RAD51AP2: variants seen among roughly 807,000 people sequenced by gnomAD.
RAD51AP2 encodes RAD51-associated protein 2.
Under a neutral mutation model 85.5 loss-of-function variants are expected in RAD51AP2, and 67 were observed. The ratio of observed to expected loss-of-function variants is 0.78; its 90% CI spans 0.64 to 0.96. The LOEUF (loss-of-function observed/expected upper bound fraction) is 0.96. RAD51AP2 is among the 40% of genes least tolerant of loss of function. The pLI is 0.00. For missense variants in RAD51AP2, 1,307 were observed against 1,332.4 expected, an observed-to-expected ratio of 0.98 and a Z score of 0.30; for synonymous variants, 474 against 446.5, an observed-to-expected ratio of 1.06 and a Z score of -0.78.
At chr2:17,523,817 T>G in the RAD51AP2 span, among the ~76,000 whole-genome samples, 3 of 151,900 alleles carry the variant, frequency 2.0e-5, no homozygotes. Flanking sequence ...AAACAATGGA[T>G]CAAAAGAATA....
Position 17,518,361 on chromosome 2 carries a change from A to C in RAD51AP2, c.55T>G (p.Ser19Ala). 6.2e-7 allele frequency: 1 copy of C among 1,613,760 alleles called. No individual in the cohort carries two copies. The highest frequency in any genetic ancestry group is 8.5e-7 in the Non-Finnish European group (1 of 1,179,874). Residue 19 changes from serine to alanine, a missense_variant, in exon 1 of 3, where the codon TCT (serine) becomes GCT (alanine). Physicochemically the swap from Ser to Ala is moderately conservative, Grantham distance 99. Transcript: ENST00000399080. The part of the protein sequence containing the change: ...RMAELRKPTS[S>A]LTPPEDPDSQ... ...TCCGGGTCCTCAGGAGGCGTTAAAG[A>C]GGAGGTAGGCTTTCTGAGCTCGGCC...
At chr2:17,532,162 C>T in the RAD51AP2 span, among the ~76,000 whole-genome samples, 1 of 152,192 alleles carries the variant, frequency 6.6e-6, no homozygotes, top group Non-Finnish European at 1.5e-5. Context: ...TTGTCCTCTA[C>T]ACCAGTTTCC....
the RAD51AP2 span, among the ~76,000 whole-genome samples, chr2:17,528,087 C>A: frequency 6.6e-6 from 1 of 152,134 alleles, no homozygotes; most frequent in Non-Finnish European, 1.5e-5. Context: ...AACCTCTTAA[C>A]ACTTGATGAA....
At chr2:17,529,202 TTCCTC>T in the RAD51AP2 span, among the ~76,000 whole-genome samples, 1 of 151,752 alleles carries the variant, frequency 6.6e-6, no homozygotes, top group Non-Finnish European at 1.5e-5. Context: ...CATGTCAACT[TTCCTC>T]TGTATACATT....
chr2:17,536,389 TATC>T, the RAD51AP2 span, among the ~76,000 whole-genome samples: 1 of 152,246 alleles, frequency 6.6e-6, no homozygotes, highest in Non-Finnish European at 1.5e-5. Context: ...GCAATTCTGT[TATC>T]ATCATTTATG....
At position 17,516,523 on chromosome 2, in the gene RAD51AP2, C is replaced by A; in HGVS notation, c.1893G>T (p.Lys631Asn). ...IVENHTAYLV[K>N]ILTSSRLLED... The stretch of plus-strand genomic sequence containing the variant: ...CTAATAGTCTTGAAGAAGTTAAAAT[C>A]TTTACTAGATATGCAGTATGATTTT... Residue 631 changes from lysine to asparagine, a missense_variant, in exon 1 of 3, where the codon AAG becomes AAT. Physicochemically the swap from Lys to Asn is moderately conservative, Grantham distance 94. Transcript: ENST00000399080. 6.5e-7 allele frequency: 1 copy of A among 1,550,058 alleles called. No homozygotes were observed. The highest frequency in any genetic ancestry group is 8.8e-7 in the Non-Finnish European group (1 of 1,136,146).
In RAD51AP2 at chr2:17,516,306, T is replaced by C; in HGVS notation, c.2110A>G (p.Arg704Gly). 1 of 1,605,438 alleles carries C rather than the reference T, an allele frequency of 6.2e-7. No individual in the cohort carries two copies. Among genetic ancestry groups the C allele is most frequent in the Non-Finnish European group, 8.5e-7 (1 of 1,177,754 alleles). Reference protein sequence around the residue: ...FDDMDEISLIREITCQNMSCP... With the variant: ...FDDMDEISLIGEITCQNMSCP... ...CTCATATTCTGACAAGTAATTTCTC[T>C]TATTAAAGAAATTTCATCCATGTCA... The change falls in exon 1 of 3, where the codon AGA becomes GGA. Residue 704 changes from arginine to glycine, a missense_variant. Coordinates refer to ENST00000399080, the MANE Select transcript of RAD51AP2 (RefSeq NM_001099218.3).
At chr2:17,534,439 G>A in the RAD51AP2 span, among the ~76,000 whole-genome samples, 3 of 152,264 alleles carry the variant, frequency 2.0e-5, no homozygotes, top group East Asian at 3.9e-4. Flanking sequence ...CAGCATCGGA[G>A]AGTAGCAGTT....
rs751173476 is a variant in RAD51AP2, at chr2:17,517,878, C to G, written c.538G>C (p.Val180Leu). The G allele has an allele frequency of 1.2e-6, 2 of 1,614,200 alleles. No homozygotes were observed. The highest frequency in any genetic ancestry group is 1.1e-5 in the South Asian group (1 of 91,084). ...TTGTGAACATTGTCTCTTCCTTGGA[C>G]AAACTGTTGTTTTCGATTCTCATTT... ...IRNENRKQQFVQGRDNVHKEN... is the reference protein window; with the variant it reads ...IRNENRKQQFLQGRDNVHKEN... The change falls in exon 1 of 3, where the codon GTC becomes CTC. Residue 180 changes from valine (V) to leucine (L), a missense_variant. Transcript: ENST00000399080.
chr2:17,534,681 T>C, the RAD51AP2 span, among the ~76,000 whole-genome samples: 2 of 152,192 alleles, frequency 1.3e-5, no homozygotes, highest in Non-Finnish European at 2.9e-5. Context: ...TAAAATCATT[T>C]AAAAGCTATA....
chr2:17,515,105 C>T, intron 1 of RAD51AP2, 64 bp downstream of exon 1: 1 of 1,329,790 alleles, frequency 7.5e-7, no homozygotes, highest in South Asian at 1.6e-5. Flanking sequence ...TACATTTGGC[C>T]TACACAGAAA....
rs772229507 is a variant in RAD51AP2, at chr2:17,516,662, G to A, written c.1754C>T (p.Ala585Val). 2 of 1,569,422 alleles carry A rather than the reference G, an allele frequency of 1.3e-6. No individual in the cohort carries two copies. The highest frequency in any genetic ancestry group is 8.6e-7 in the Non-Finnish European group (1 of 1,159,842). The change falls in exon 1 of 3, where the codon GCT (alanine) becomes GTT (valine). Residue 585 changes from alanine (A) to valine (V), a missense_variant. Physicochemically the swap from Ala to Val is moderately conservative, Grantham distance 64. This residue lies in a region of RAD51AP2 where 668 missense variants were observed against 671.0 expected (regional missense o/e 1.00). Coordinates refer to ENST00000399080, the MANE Select transcript of RAD51AP2 (RefSeq NM_001099218.3). ...PLDILLKTNI[A>V]FLLNNFDSLT... is the part of the protein sequence containing the mutation. Reference sequence around the variant, plus strand: ...AGAGTCAAAGTTATTGAGCAAAAAAGCTATGTTAGTTTTCAATAGAATATC... The same window carrying A: ...AGAGTCAAAGTTATTGAGCAAAAAAACTATGTTAGTTTTCAATAGAATATC...
At chr2:17,513,967 A>C in intron 2 of RAD51AP2, 45 bp downstream of exon 2, 2 of 990,536 alleles carry the variant, frequency 2.0e-6, no homozygotes, top group Non-Finnish European at 3.2e-6. Flanking sequence ...ACCATAATGC[A>C]ATAATCATCT....
upstream of RAD51AP2, among the ~76,000 whole-genome samples, chr2:17,519,067 T>C (rs769195685): frequency 3.3e-5 from 5 of 152,196 alleles, no homozygotes; most frequent in Non-Finnish European, 4.4e-5. Flanking sequence ...TGGAAATTAT[T>C]ATCCGGATAA....
At chr2:17,520,681 A>G, upstream of RAD51AP2, among the ~76,000 whole-genome samples, 1 of 152,080 alleles carries the variant, frequency 6.6e-6, no homozygotes, top group Non-Finnish European at 1.5e-5. Context: ...ACTCAATATC[A>G]ATATCAAGTC....
In RAD51AP2 at chr2:17,517,482, T is replaced by G; in HGVS notation, c.934A>C (p.Asn312His). ...RPDVKKQKLQ[N>H]DKKTVEAENI... ...TCCGCTTCTACAGTTTTTTTATCAT[T>G]CTGTAACTTTTGCTTCTTAACATCA... Residue 312 changes from asparagine to histidine, a missense_variant, in exon 1 of 3, where the codon AAT becomes CAT. Around this residue, in one of 3 missense-constraint regions of RAD51AP2, gnomAD observed 635 missense variants for 643.6 expected, o/e 0.99. Transcript: ENST00000399080. The G allele has an allele frequency of 6.2e-7, 1 of 1,614,028 alleles. No individual in the cohort carries two copies. Among genetic ancestry groups the G allele is most frequent in the Admixed American group, 1.7e-5 (1 of 60,022 alleles).
chr2:17,514,997 C>T (rs1172409291), intron 1 of RAD51AP2, among the ~76,000 whole-genome samples, 172 bp downstream of exon 1: 1 of 135,864 alleles, frequency 7.4e-6, no homozygotes, highest in South Asian at 2.5e-4. Flanking sequence ...AAAGCTATGG[C>T]TTCTTGCTGG....
Position 17,516,537 on chromosome 2 carries a change from C to T in RAD51AP2, c.1879G>A (p.Ala627Thr). The change falls in exon 1 of 3, where the codon GCA (alanine) becomes ACA (threonine). Residue 627 changes from alanine to threonine, a missense_variant. Ala to Thr is a moderately conservative substitution (Grantham distance 58). Coordinates refer to ENST00000399080, the MANE Select transcript of RAD51AP2 (RefSeq NM_001099218.3). Reference sequence around the variant, plus strand: ...GAAGTTAAAATCTTTACTAGATATGCAGTATGATTTTCCACTATATTTTTT... The same window carrying T: ...GAAGTTAAAATCTTTACTAGATATGTAGTATGATTTTCCACTATATTTTTT... The part of the protein sequence containing the change: ...YPKNIVENHT[A>T]YLVKILTSSR... 2 of 1,557,362 alleles carry T rather than the reference C, an allele frequency of 1.3e-6. No individual in the cohort carries two copies. The highest frequency in any genetic ancestry group is 8.8e-7 in the Non-Finnish European group (1 of 1,138,298).
At chr2:17,528,971 A>G in the RAD51AP2 span, among the ~76,000 whole-genome samples, 1 of 152,210 alleles carries the variant, frequency 6.6e-6, no homozygotes, top group Non-Finnish European at 1.5e-5. Context: ...TTGCCAAAAG[A>G]TGGTTCCAGT....
Sources: gnomAD v4.1 joint callset for allele counts (sites outside exome capture counted in the v4.1 genomes callset) on GRCh38, gnomAD v4.1.1 for gene constraint, gnomAD v4.1.1 regional missense constraint, MANE v1.5 for transcripts, NCBI Gene and HGNC (gene_info 2026-07-23, HGNC 2026-07-21) for gene names.